DIAPH3: variants seen among roughly 807,000 people sequenced by gnomAD.
DIAPH3 encodes diaphanous related formin 3.
DIAPH3 carries 117 observed loss-of-function variants against 144.3 expected under a neutral mutation model. The observed-to-expected ratio is 0.81, with a 90% confidence interval of 0.70 to 0.95. The LOEUF (loss-of-function observed/expected upper bound fraction) is 0.95, where lower values mean the gene tolerates loss of function less well. Ranked by LOEUF, DIAPH3 falls within the 40% of genes least tolerant of loss-of-function variation. The pLI, the probability that DIAPH3 is intolerant of heterozygous loss-of-function variation, is 0.00. For missense variants in DIAPH3, 1,421 were observed against 1,412.7 expected, an observed-to-expected ratio of 1.01 and a Z score of -0.09; for synonymous variants, 519 against 488.9, an observed-to-expected ratio of 1.06 and a Z score of -0.81.
At chr13:59,779,583 C>T (rs1455594445) in intron 25 of DIAPH3, among the ~76,000 whole-genome samples, 1 of 151,458 alleles carries the variant, frequency 6.6e-6, no homozygotes, top group African/African-American at 2.4e-5. Context: ...ATGATCTCAG[C>T]TCACAGCAAC....
chr13:59,683,704 G>A (rs545967642), intron 27 of DIAPH3, among the ~76,000 whole-genome samples: 6 of 152,318 alleles, frequency 3.9e-5, no homozygotes, highest in South Asian at 2.1e-4. Flanking sequence ...TTTGAGACAC[G>A]TTTGTCCCAG....
intron 1 of DIAPH3, among the ~76,000 whole-genome samples, chr13:60,156,770 A>G (rs1479021961): frequency 6.6e-6 from 1 of 151,194 alleles, no homozygotes. Flanking sequence ...AGCCCTAACA[A>G]TGCTTTCTTT....
intron 17 of DIAPH3, among the ~76,000 whole-genome samples, chr13:59,956,454 C>A (rs1417257267): frequency 6.6e-6 from 1 of 152,208 alleles, no homozygotes; most frequent in Non-Finnish European, 1.5e-5. Flanking sequence ...CACATGGTGT[C>A]AGGACTGTGG....
chr13:59,929,744 T>G (rs2047933176), intron 17 of DIAPH3, among the ~76,000 whole-genome samples: 1 of 151,400 alleles, frequency 6.6e-6, no homozygotes, highest in African/African-American at 2.4e-5. Context: ...TTGTATTTTT[T>G]TTTTTTAGTA....
chr13:59,832,167 A>G (rs2041812946), intron 24 of DIAPH3, among the ~76,000 whole-genome samples: 1 of 151,918 alleles, frequency 6.6e-6, no homozygotes, highest in Non-Finnish European at 1.5e-5. Context: ...GGCAATGAAA[A>G]ATAATTTACA....
chr13:59,877,439 CTT>C (rs2044703016), intron 21 of DIAPH3, among the ~76,000 whole-genome samples: 2 of 152,144 alleles, frequency 1.3e-5, no homozygotes, highest in African/African-American at 2.4e-5. Context: ...TGTCCAATAA[CTT>C]TATGCAATGA....
At chr13:60,098,424 C>T (rs2058171718) in intron 3 of DIAPH3, among the ~76,000 whole-genome samples, 1 of 151,976 alleles carries the variant, frequency 6.6e-6, no homozygotes, top group Admixed American at 6.6e-5. Context: ...GAGAAAGGGG[C>T]ATCTATAAGC....
At chr13:59,668,445 C>A (rs1012826206) in intron 27 of DIAPH3, among the ~76,000 whole-genome samples, 1 of 152,110 alleles carries the variant, frequency 6.6e-6, no homozygotes, top group African/African-American at 2.4e-5. Context: ...TTGGACAACT[C>A]TAGTTAAAAG....
At chr13:59,837,981 A>G (rs1310241777) in intron 23 of DIAPH3, 2 of 152,172 alleles carry the variant, frequency 1.3e-5, no homozygotes, top group Non-Finnish European at 2.9e-5. Flanking sequence ...CTGAAAGCAT[A>G]TACAATAAAA....
chr13:59,894,563 G>C (rs2045985814), intron 20 of DIAPH3, among the ~76,000 whole-genome samples: 1 of 141,822 alleles, frequency 7.1e-6, no homozygotes, highest in Non-Finnish European at 1.5e-5. Flanking sequence ...AAGGAAAGAA[G>C]TCTCCCCTGC....
chr13:59,907,375 C>T (rs543744309), intron 20 of DIAPH3, among the ~76,000 whole-genome samples: 1 of 152,242 alleles, frequency 6.6e-6, no homozygotes, highest in East Asian at 1.9e-4. Flanking sequence ...CCTCTCAGGG[C>T]ACTCCTCTAA....
intron 27 of DIAPH3, among the ~76,000 whole-genome samples, chr13:59,733,222 TA>T (rs1450346862): frequency 6.6e-6 from 1 of 152,180 alleles, no homozygotes; most frequent in African/African-American, 2.4e-5. Flanking sequence ...AGGAGACTAT[TA>T]AAAAGTGTTT....
intron 1 of DIAPH3, among the ~76,000 whole-genome samples, chr13:60,148,221 C>T (rs1353769334): frequency 6.6e-6 from 1 of 152,152 alleles, no homozygotes; most frequent in African/African-American, 2.4e-5. Context: ...TACCTCTAAG[C>T]CATCCATGTA....
chr13:59,859,788 T>C (rs578020295), intron 22 of DIAPH3, among the ~76,000 whole-genome samples: 20 of 152,334 alleles, frequency 1.3e-4, no homozygotes, highest in African/African-American at 4.6e-4. Context: ...TCTGAATGTT[T>C]ACAACCCATT....
chr13:60,137,338 C>CA (rs888433700), intron 1 of DIAPH3, among the ~76,000 whole-genome samples: 1 of 152,130 alleles, frequency 6.6e-6, no homozygotes, highest in Non-Finnish European at 1.5e-5. Flanking sequence ...TACATGCTGT[C>CA]AAAAAATGGA....
At chr13:60,064,339 T>C (rs1488172142) in intron 4 of DIAPH3, among the ~76,000 whole-genome samples, 1 of 152,268 alleles carries the variant, frequency 6.6e-6, no homozygotes, top group African/African-American at 2.4e-5. Flanking sequence ...CTTTTTCATC[T>C]ATATTGAAAA....
chr13:59,953,563 A>G (rs1412555530), intron 17 of DIAPH3, among the ~76,000 whole-genome samples: 1 of 152,198 alleles, frequency 6.6e-6, no homozygotes, highest in Non-Finnish European at 1.5e-5. Context: ...GGTAAGGATT[A>G]CAAATTAAAA....
At chr13:59,721,896 T>C (rs1374454272) in intron 27 of DIAPH3, among the ~76,000 whole-genome samples, 2 of 152,166 alleles carry the variant, frequency 1.3e-5, no homozygotes, top group Non-Finnish European at 2.9e-5. Context: ...AGAGGGAGTT[T>C]TGAAAGCAGC....
At chr13:60,084,505 A>G (rs2057685549) in intron 4 of DIAPH3, among the ~76,000 whole-genome samples, 1 of 152,072 alleles carries the variant, frequency 6.6e-6, no homozygotes, top group African/African-American at 2.4e-5. Context: ...TACTAAATAT[A>G]TCTACTAAAT....
Sources: allele counts gnomAD v4.1 joint callset (sites outside exome capture counted in the v4.1 genomes callset), GRCh38; gene constraint gnomAD v4.1.1; transcripts MANE v1.5; gene names NCBI Gene and HGNC (gene_info 2026-07-23, HGNC 2026-07-21).